Variants in TMEM38B observed in about 807,000 individuals in gnomAD.
TMEM38B encodes trimeric intracellular cation channel type B.
In TMEM38B, 24 loss-of-function variants were observed where a neutral mutation model predicts 28.7. The ratio of observed to expected loss-of-function variants is 0.84; its 90% CI spans 0.61 to 1.18. TMEM38B has a LOEUF of 1.18. Ranked by LOEUF, TMEM38B falls within the 50% of genes most tolerant of loss-of-function variation. TMEM38B has a pLI of 0.00. For missense variants in TMEM38B, 380 were observed against 350.9 expected (o/e 1.08, Z -0.66); for synonymous variants, 131 against 127.7 (o/e 1.03, Z -0.17).
At chr9:105,738,212 A>G (rs1049022488) in intron 4 of TMEM38B, among the ~76,000 whole-genome samples, 5 of 151,776 alleles carry the variant, frequency 3.3e-5, no homozygotes, top group Non-Finnish European at 5.9e-5. Context: ...CTCAGTACCT[A>G]TGAGGTCTGC....
intron 5 of TMEM38B, chr9:105,758,926 T>C: frequency 7.4e-7 from 1 of 1,356,522 alleles, no homozygotes; most frequent in Non-Finnish European, 1.1e-6. Context: ...CTGCAAACCA[T>C]TTTAGGTGTG....
At chr9:105,753,711 C>G (rs1194035234) in intron 5 of TMEM38B, among the ~76,000 whole-genome samples, 1 of 152,160 alleles carries the variant, frequency 6.6e-6, no homozygotes. Context: ...ATTACAAAAA[C>G]ACACTGAAGC....
At chr9:105,706,978 A>G (rs1448071190) in intron 2 of TMEM38B, among the ~76,000 whole-genome samples, 1 of 151,972 alleles carries the variant, frequency 6.6e-6, no homozygotes, top group East Asian at 1.9e-4. Context: ...GGGTTTCACA[A>G]TGTTGGCCAG....
chr9:105,750,880 T>A (rs1264135152), intron 5 of TMEM38B, among the ~76,000 whole-genome samples: 3 of 152,196 alleles, frequency 2.0e-5, no homozygotes, highest in African/African-American at 7.2e-5. Context: ...TGAGCACTAT[T>A]TATTGTAAAA....
chr9:105,764,332 C>G (rs1163253016), intron 5 of TMEM38B, among the ~76,000 whole-genome samples: 7 of 152,000 alleles, frequency 4.6e-5, no homozygotes, highest in Non-Finnish European at 7.4e-5. Context: ...TCTAGAAAAC[C>G]CCATTGTCTC....
intron 2 of TMEM38B, among the ~76,000 whole-genome samples, chr9:105,718,293 C>T (rs1836184958): frequency 6.6e-6 from 1 of 150,652 alleles, no homozygotes; most frequent in Non-Finnish European, 1.5e-5. Flanking sequence ...GGCTGGAGTG[C>T]AATGGCACGA....
intron 2 of TMEM38B, among the ~76,000 whole-genome samples, chr9:105,717,310 A>C (rs768466326): frequency 6.6e-6 from 1 of 152,244 alleles, no homozygotes; most frequent in African/African-American, 2.4e-5. Context: ...TATGGATATT[A>C]ATATAATGGC....
chr9:105,703,552 G>A (rs1835529697), intron 1 of TMEM38B, among the ~76,000 whole-genome samples: 1 of 152,046 alleles, frequency 6.6e-6, no homozygotes, highest in Admixed American at 6.6e-5. Context: ...TAGTCCTTTG[G>A]GTATATACCC....
chr9:105,704,309 CG>C (rs1392387214), intron 1 of TMEM38B, among the ~76,000 whole-genome samples: 1 of 151,632 alleles, frequency 6.6e-6, no homozygotes, highest in Non-Finnish European at 1.5e-5. Flanking sequence ...AGGCATGAGA[CG>C]TGCTTGAACT....
intron 5 of TMEM38B, among the ~76,000 whole-genome samples, chr9:105,770,042 G>A (rs1826494947): frequency 6.6e-6 from 1 of 152,112 alleles, no homozygotes; most frequent in South Asian, 2.1e-4. Flanking sequence ...ACTGTTCTTA[G>A]GCCCTTTTGG....
chr9:105,709,409 A>G (rs2133559094), intron 2 of TMEM38B, among the ~76,000 whole-genome samples: 1 of 152,340 alleles, frequency 6.6e-6, no homozygotes, highest in East Asian at 1.9e-4. Flanking sequence ...TATCTTTGAT[A>G]GTATATTGGG....
chr9:105,738,538 T>C (rs1008006030), intron 4 of TMEM38B, among the ~76,000 whole-genome samples: 1 of 152,060 alleles, frequency 6.6e-6, no homozygotes, highest in African/African-American at 2.4e-5. Flanking sequence ...TGCTAGGAAC[T>C]TGTAGTTGGC....
intron 5 of TMEM38B, chr9:105,759,867 T>A: frequency 1.3e-6 from 2 of 1,589,918 alleles, no homozygotes; most frequent in East Asian, 4.5e-5. Context: ...TTTTAAGAAG[T>A]AGTACAAGAA....
At chr9:105,698,508 T>A (rs370303525) in intron 1 of TMEM38B, among the ~76,000 whole-genome samples, 2 of 152,274 alleles carry the variant, frequency 1.3e-5, no homozygotes, top group African/African-American at 4.8e-5. Context: ...GTGTTTCCCA[T>A]TTAAAAATGT....
intron 2 of TMEM38B, among the ~76,000 whole-genome samples, chr9:105,709,470 TA>T (rs1186533364): frequency 1.3e-5 from 2 of 152,168 alleles, no homozygotes; most frequent in Non-Finnish European, 2.9e-5. Flanking sequence ...TAACGAATAA[TA>T]CATCTCAAAC....
chr9:105,733,084 C>T (rs961319982), intron 4 of TMEM38B, among the ~76,000 whole-genome samples: 37 of 152,130 alleles, frequency 2.4e-4, no homozygotes, highest in South Asian at 2.1e-4. Context: ...TTTGATTGTA[C>T]TGTGGTCTGA....
At chr9:105,721,509 T>C in intron 2 of TMEM38B, 28 bp from the exon 3 acceptor site, 2 of 1,473,296 alleles carry the variant, frequency 1.4e-6, no homozygotes, top group African/African-American at 1.4e-5. Flanking sequence ...TCCATTAATA[T>C]ATTAAAATGT....
chr9:105,718,480 C>T (rs1025886742), intron 2 of TMEM38B, among the ~76,000 whole-genome samples: 2 of 152,176 alleles, frequency 1.3e-5, no homozygotes, highest in African/African-American at 4.8e-5. Flanking sequence ...CCTCGTGATC[C>T]TCCCGCCTTG....
chr9:105,722,717 G>A lies in TMEM38B; in HGVS notation c.542+96G>A, dbSNP rs1836367594. ...CATTTTAGGGACTTTAAATGTGGGT[G>A]GAATATAGCTGAAAATATAAATAGT... On this transcript the variant is annotated intron_variant, in intron 4 of 5. Coordinates refer to ENST00000374692, the MANE Select transcript of TMEM38B (RefSeq NM_018112.3). 22 of 895,972 alleles carry A rather than the reference G, an allele frequency of 2.5e-5. No homozygotes were observed. In the South Asian group the frequency reaches 3.6e-4, roughly 15 times the overall value. 55.5% of individuals were successfully genotyped at this position (895,972 alleles called of 1,614,324 possible).
Sources: gnomAD v4.1 joint callset for allele counts (sites outside exome capture counted in the v4.1 genomes callset) on GRCh38, gnomAD v4.1.1 for gene constraint, MANE v1.5 for transcripts, NCBI Gene and HGNC (gene_info 2026-07-23, HGNC 2026-07-21) for gene names.